PDE8B: variants seen among roughly 807,000 people sequenced by gnomAD.
PDE8B encodes the protein high affinity cAMP-specific and IBMX-insensitive 3',5'-cyclic phosphodiesterase 8B.
A neutral mutation model predicts 101.3 loss-of-function variants in PDE8B; 26 were observed. The ratio of observed to expected loss-of-function variants is 0.26; its 90% CI spans 0.19 to 0.36. The LOEUF is 0.36. Among genes scored for constraint, PDE8B ranks in the 10% least tolerant of loss-of-function variants. The pLI is 1.00. For missense variants in PDE8B, 810 were observed against 1,163.1 expected, an observed-to-expected ratio of 0.70 and a Z score of 4.42; for synonymous variants, 424 against 429.3, an observed-to-expected ratio of 0.99 and a Z score of 0.15.
At chr5:77,219,089 A>G (rs1282349875) in intron 1 of PDE8B, among the ~76,000 whole-genome samples, 1 of 152,132 alleles carries the variant, frequency 6.6e-6, no homozygotes, top group East Asian at 1.9e-4. Context: ...ATGACTGTTG[A>G]GCCTGCACTC....
At chr5:77,166,908 A>G in the PDE8B span, 2 of 152,136 alleles carry the variant, frequency 1.3e-5, no homozygotes, top group East Asian at 3.9e-4. Flanking sequence ...CTGGACCCCA[A>G]AGACCACTCT....
the PDE8B span, among the ~76,000 whole-genome samples, chr5:77,167,705 G>A: frequency 6.6e-6 from 1 of 152,176 alleles, no homozygotes; most frequent in Non-Finnish European, 1.5e-5. Flanking sequence ...CTCCTGAGCA[G>A]GAAAATTTGA....
intron 9 of PDE8B, among the ~76,000 whole-genome samples, chr5:77,352,871 A>G (rs2150470997): frequency 6.6e-6 from 1 of 152,270 alleles, no homozygotes; most frequent in East Asian, 1.9e-4. Context: ...AAATGAGAGG[A>G]TTTTTATCTG....
At chr5:77,349,380 G>T (rs373696612) in intron 7 of PDE8B, 39 bp from the exon 8 acceptor site, 1 of 1,613,106 alleles carries the variant, frequency 6.2e-7, no homozygotes, top group Non-Finnish European at 8.5e-7. Context: ...ATTCTGTCTT[G>T]TGTCCCCGCA....
the PDE8B span, among the ~76,000 whole-genome samples, chr5:77,165,988 A>G: frequency 7.5e-6 from 1 of 132,790 alleles, no homozygotes; most frequent in Non-Finnish European, 1.7e-5. Flanking sequence ...AAAAAAAAAA[A>G]AAAGAAAAAG....
chr5:77,426,257 T>C (rs755669516), intron 21 of PDE8B, 188 bp from the exon 22 acceptor site: 27 of 635,376 alleles, frequency 4.2e-5, no homozygotes, highest in Non-Finnish European at 7.3e-5. Flanking sequence ...ATGTCACTGA[T>C]AAGCAGCTTT....
chr5:77,249,699 G>A (rs143771770), intron 1 of PDE8B, among the ~76,000 whole-genome samples: 1 of 152,366 alleles, frequency 6.6e-6, no homozygotes, highest in Admixed American at 6.5e-5. Flanking sequence ...ATTGGGGAAG[G>A]TGTTAGCGGC....
chr5:77,407,295 G>GC (rs1224740140), intron 12 of PDE8B, 86 bp from the exon 13 acceptor site: 7 of 971,368 alleles, frequency 7.2e-6, no homozygotes, highest in Non-Finnish European at 1.2e-5. Context: ...TGAGAAGCGG[G>GC]CCCTGGTCCA....
At chr5:77,147,899 G>C in the PDE8B span, 1 of 152,198 alleles carries the variant, frequency 6.6e-6, no homozygotes, top group Admixed American at 6.5e-5. Context: ...ATGAATATGA[G>C]CCAGACTCCA....
intron 9 of PDE8B, 62 bp downstream of exon 9, chr5:77,351,215 T>C: frequency 8.0e-7 from 1 of 1,248,414 alleles, no homozygotes; most frequent in Non-Finnish European, 1.2e-6. Flanking sequence ...TCATGGGCAT[T>C]GGGCTTGAAA....
chr5:77,396,850 T>A (rs1203021757), intron 10 of PDE8B, among the ~76,000 whole-genome samples: 1 of 152,026 alleles, frequency 6.6e-6, no homozygotes, highest in Non-Finnish European at 1.5e-5. Context: ...AACTACTACT[T>A]TAACTCGTAG....
the PDE8B span, among the ~76,000 whole-genome samples, chr5:77,094,275 C>G: frequency 6.6e-6 from 1 of 152,184 alleles, no homozygotes; most frequent in African/African-American, 2.4e-5. Context: ...TCAATGCAGT[C>G]TTTCTTACAT....
At chr5:77,409,534 AAGC>A (rs970357825) in intron 14 of PDE8B, among the ~76,000 whole-genome samples, 19 of 152,140 alleles carry the variant, frequency 1.2e-4, no homozygotes, top group African/African-American at 4.1e-4. Context: ...TATAAGGTAA[AAGC>A]AGACTGGGGC....
At chr5:77,132,713 A>G in the PDE8B span, among the ~76,000 whole-genome samples, 3 of 152,134 alleles carry the variant, frequency 2.0e-5, no homozygotes, top group African/African-American at 4.8e-5. Context: ...AATTTCCATC[A>G]TCTCTCTCCT....
chr5:77,102,071 A>AATTT, the PDE8B span, among the ~76,000 whole-genome samples: 1 of 152,328 alleles, frequency 6.6e-6, no homozygotes, highest in East Asian at 1.9e-4. Context: ...CCTATACTGT[A>AATTT]GAAATTTGAG....
At chr5:77,111,154 T>G in the PDE8B span, among the ~76,000 whole-genome samples, 1 of 152,192 alleles carries the variant, frequency 6.6e-6, no homozygotes, top group Non-Finnish European at 1.5e-5. Flanking sequence ...TATAATTGCA[T>G]CTAGGAAGTT....
In PDE8B at chr5:77,425,873, C is replaced by G. The variant is rs2151247022; in HGVS notation, c.2525C>G (p.Thr842Arg). 1.9e-6 allele frequency: 3 copies of G among 1,613,632 alleles called. No homozygotes were observed. Among genetic ancestry groups the G allele is most frequent in the Non-Finnish European group, 2.5e-6 (3 of 1,179,532 alleles). ...ATCTCTTTCATTGACTACTTCATAA[C>G]AGACATGTTTGATGCTTGGGATGGT... ...SQISFIDYFI[T>R]DMFDAWDAFA... The change falls in exon 21 of 22, where the codon ACA becomes AGA. Residue 842 changes from threonine (T) to arginine (R), a missense_variant. Around this residue, in one of 4 missense-constraint regions of PDE8B, gnomAD observed 325 missense variants for 560.9 expected, o/e 0.58. Transcript: ENST00000264917.
At chr5:77,338,928 C>G (rs1778673273) in intron 6 of PDE8B, among the ~76,000 whole-genome samples, 1 of 152,112 alleles carries the variant, frequency 6.6e-6, no homozygotes, top group African/African-American at 2.4e-5. Flanking sequence ...TGTTAGGTGC[C>G]AGGAGATGCC....
At chr5:77,312,413 T>G (rs1296711321) in intron 2 of PDE8B, among the ~76,000 whole-genome samples, 1 of 152,174 alleles carries the variant, frequency 6.6e-6, no homozygotes, top group Non-Finnish European at 1.5e-5. Flanking sequence ...CTGGCTCAAA[T>G]TGTTTTCTTG....
Sources: gnomAD v4.1 joint callset for allele counts (sites outside exome capture counted in the v4.1 genomes callset) on GRCh38, gnomAD v4.1.1 for gene constraint, gnomAD v4.1.1 regional missense constraint, MANE v1.5 for transcripts, NCBI Gene and HGNC (gene_info 2026-07-23, HGNC 2026-07-21) for gene names.